The following CALN1 variants were observed in gnomAD, a reference collection of about 807,000 sequenced individuals.
CALN1 encodes calneuron 1.
In CALN1, 17 loss-of-function variants were observed where a neutral mutation model predicts 30.6. The ratio of observed to expected loss-of-function variants is 0.56; its 90% CI spans 0.38 to 0.83. The LOEUF (loss-of-function observed/expected upper bound fraction) is 0.83, where lower values mean the gene tolerates loss of function less well. Among genes scored for constraint, CALN1 ranks in the 40% least tolerant of loss-of-function variants. The pLI is 0.00. For missense variants in CALN1, 291 were observed against 354.9 expected, an observed-to-expected ratio of 0.82 and a Z score of 1.45; for synonymous variants, 156 against 131.4, an observed-to-expected ratio of 1.19 and a Z score of -1.28.
intron 3 of CALN1, among the ~76,000 whole-genome samples, chr7:72,241,116 T>C (rs947501279): frequency 2.6e-5 from 4 of 152,224 alleles, no homozygotes; most frequent in Non-Finnish European, 5.9e-5. Flanking sequence ...CAGTAGATTC[T>C]TAGTTAATAT....
Position 72,160,004 on chromosome 7 carries a change from C to CT in CALN1, c.245-53711dup, listed in dbSNP as rs1476696214. Among the ~76,000 whole-genome samples, 13 of 152,210 alleles carry CT rather than the reference C, an allele frequency of 8.5e-5. No homozygotes were observed. In the East Asian group the frequency reaches 2.1e-3, roughly 25 times the overall value. ...GGACAACTTGGAGGTTCCCTTGCGA[C>CT]TTCCAAAGTGAAGGCAGGTGAGAAC... On this transcript the variant is annotated intron_variant, in intron 3 of 6. Coordinates refer to ENST00000395275, the MANE Select transcript of CALN1 (RefSeq NM_031468.4).
chr7:72,028,577 G>C (rs1801240423), intron 4 of CALN1, among the ~76,000 whole-genome samples: 1 of 152,240 alleles, frequency 6.6e-6, no homozygotes. Flanking sequence ...GAGTACACGT[G>C]ACTTGGCAGA....
At chr7:72,500,791 T>C in the CALN1 span, among the ~76,000 whole-genome samples, 7 of 152,312 alleles carry the variant, frequency 4.6e-5, no homozygotes, top group Admixed American at 4.6e-4. Context: ...ATTTTTAATT[T>C]TTTTGTTTAC....
intron 2 of CALN1, among the ~76,000 whole-genome samples, chr7:72,325,624 A>G (rs1322831595): frequency 6.6e-6 from 1 of 152,172 alleles, no homozygotes; most frequent in Non-Finnish European, 1.5e-5. Flanking sequence ...ATAAAACAAG[A>G]GTGAAACTCT....
intron 1 of CALN1, among the ~76,000 whole-genome samples, chr7:72,418,400 C>T (rs1024243803): frequency 6.6e-6 from 1 of 152,176 alleles, no homozygotes; most frequent in Admixed American, 6.5e-5. Context: ...CATGTCTTTG[C>T]TCTTGTGAAT....
At chr7:72,106,561 G>A (rs112320147) in intron 3 of CALN1, among the ~76,000 whole-genome samples, 171 of 149,144 alleles carry the variant, frequency 1.1e-3, no homozygotes, top group African/African-American at 4.1e-3. Context: ...GGGAGAAAGG[G>A]AGAGAGAAAA....
rs771295480 is a variant in CALN1 at position 71,812,944 on chromosome 7, T to C, written c.502-2452A>G. Among the ~76,000 whole-genome samples, 369 of 148,926 alleles carry C rather than the reference T, an allele frequency of 2.5e-3. 4 individuals are homozygous for C. The highest frequency in any genetic ancestry group is 0.011 in the Middle Eastern group (3 of 280). On this transcript the variant is annotated intron_variant, in intron 5 of 6. Coordinates refer to ENST00000395275, the MANE Select transcript of CALN1 (RefSeq NM_031468.4). ...TCATCATCATCATTATTATTATTAT[T>C]ATTATTATTATTATTATTATTTGAG...
chr7:72,182,488 G>C (rs189807358), intron 3 of CALN1, among the ~76,000 whole-genome samples: 1 of 152,194 alleles, frequency 6.6e-6, no homozygotes, highest in African/African-American at 2.4e-5. Flanking sequence ...AGGAGGCCGA[G>C]AAGAGCAGAT....
At chr7:71,907,140 T>A (rs760241748) in intron 5 of CALN1, among the ~76,000 whole-genome samples, 4 of 152,146 alleles carry the variant, frequency 2.6e-5, no homozygotes, top group Admixed American at 2.6e-4. Context: ...CTTTGGATAA[T>A]TGAACATTTA....
chr7:72,287,706 A>C (rs995444579), intron 2 of CALN1, among the ~76,000 whole-genome samples: 2 of 152,128 alleles, frequency 1.3e-5, no homozygotes, highest in Non-Finnish European at 2.9e-5. Flanking sequence ...TCAGCCTCCC[A>C]AAGTGCTGGG....
At chr7:72,277,436 G>C (rs1020710257) in intron 3 of CALN1, among the ~76,000 whole-genome samples, 1 of 152,096 alleles carries the variant, frequency 6.6e-6, no homozygotes, top group Non-Finnish European at 1.5e-5. Flanking sequence ...TCTCCTCTCA[G>C]GCCACCAGTC....
intron 5 of CALN1, among the ~76,000 whole-genome samples, chr7:71,890,479 ATAC>A (rs1226891424): frequency 1.3e-5 from 2 of 152,132 alleles, no homozygotes; most frequent in East Asian, 3.9e-4. Flanking sequence ...TTCTCTCTCC[ATAC>A]TGTGTTCCTC....
intron 2 of CALN1, among the ~76,000 whole-genome samples, chr7:72,365,957 C>T (rs1397679625): frequency 1.3e-5 from 2 of 151,992 alleles, no homozygotes; most frequent in African/African-American, 4.8e-5. Flanking sequence ...CATGGGCATA[C>T]CCTTGGATTC....
At chr7:72,263,640 C>T (rs551606) in intron 3 of CALN1, among the ~76,000 whole-genome samples, 147,899 of 152,176 alleles carry the variant, frequency 0.97, 71,921 homozygotes, top group East Asian at 1. Flanking sequence ...GGTCTTGAAC[C>T]CCTGGCCTCA....
chr7:72,296,929 T>C (rs1420075838), intron 2 of CALN1, among the ~76,000 whole-genome samples: 1 of 152,088 alleles, frequency 6.6e-6, no homozygotes, highest in Non-Finnish European at 1.5e-5. Context: ...CTTGCTTTTC[T>C]AGTTCTTTTA....
intron 5 of CALN1, among the ~76,000 whole-genome samples, chr7:71,862,703 G>A (rs976738459): frequency 6.6e-6 from 1 of 152,188 alleles, no homozygotes; most frequent in African/African-American, 2.4e-5. Context: ...ATCTTGATAA[G>A]CTCACATCTT....
intron 2 of CALN1, among the ~76,000 whole-genome samples, chr7:72,293,131 G>GA (rs1798609792): frequency 6.6e-6 from 1 of 152,108 alleles, no homozygotes; most frequent in African/African-American, 2.4e-5. Context: ...GCCTGTATCA[G>GA]GCAGTTCAAC....
In CALN1 at chr7:71,891,718, C is replaced by G. The variant is rs751852625; in HGVS notation, c.502-81226G>C. ...CAGCACTTCGGGAAGCCAAAGTGGG[C>G]AGATCACTTGAAGTCAGGAGTTCGA... On this transcript the variant is annotated intron_variant, in intron 5 of 6. Transcript: ENST00000395275. Among the ~76,000 whole-genome samples the G allele has an allele frequency of 2.0e-5, 3 of 152,014 alleles. No individual in the cohort carries two copies. The South Asian group carries it at 6.2e-4, about 32-fold the overall frequency.
chr7:72,076,847 C>T (rs902455434), intron 4 of CALN1, among the ~76,000 whole-genome samples: 1 of 152,120 alleles, frequency 6.6e-6, no homozygotes, highest in Non-Finnish European at 1.5e-5. Flanking sequence ...CAGCAAGGAA[C>T]AGAAACAAGT....
Sources: allele counts gnomAD v4.1 joint callset (sites outside exome capture counted in the v4.1 genomes callset), GRCh38; gene constraint gnomAD v4.1.1; transcripts MANE v1.5; gene names NCBI Gene and HGNC (gene_info 2026-07-23, HGNC 2026-07-21).